The following RANBP9 variants were observed in gnomAD, a reference collection of about 807,000 sequenced individuals.
The protein encoded by RANBP9 is ran-binding protein 9.
RANBP9 carries 15 observed loss-of-function variants against 84.3 expected under a neutral mutation model. That is an observed-to-expected ratio of 0.18 (90% confidence interval 0.12 to 0.27). The LOEUF is 0.27. RANBP9 is among the 10% of genes least tolerant of loss of function. RANBP9 has a pLI of 1.00. For missense variants in RANBP9, 809 were observed against 912.8 expected, an observed-to-expected ratio of 0.89 and a Z score of 1.46; for synonymous variants, 392 against 349.6, an observed-to-expected ratio of 1.12 and a Z score of -1.35.
At chr6:13,622,652 T>A (rs1310793751) in intron 13 of RANBP9, among the ~76,000 whole-genome samples, 160 bp from the exon 14 acceptor site, 1 of 152,206 alleles carries the variant, frequency 6.6e-6, no homozygotes, top group Non-Finnish European at 1.5e-5. Flanking sequence ...AGATGCCGCC[T>A]TGGACATACT....
chr6:13,655,091 TACTA>T, intron 4 of RANBP9, among the ~76,000 whole-genome samples: 1 of 152,376 alleles, frequency 6.6e-6, no homozygotes, highest in Non-Finnish European at 1.5e-5. Context: ...AAAGAACTCT[TACTA>T]ACCACTGTTA....
chr6:13,635,290 T>C (rs986255440), intron 10 of RANBP9, among the ~76,000 whole-genome samples: 14 of 152,186 alleles, frequency 9.2e-5, no homozygotes, highest in African/African-American at 2.4e-4. Flanking sequence ...CCAATAACTA[T>C]ATTTGCACAT....
intron 1 of RANBP9, among the ~76,000 whole-genome samples, chr6:13,710,679 T>G (rs577368174): frequency 6.6e-6 from 1 of 152,316 alleles, no homozygotes; most frequent in East Asian, 1.9e-4. Flanking sequence ...GGTGTCCTGC[T>G]CCTGGTCTAG....
At chr6:13,659,347 TTAA>T in intron 2 of RANBP9, among the ~76,000 whole-genome samples, 1 of 151,938 alleles carries the variant, frequency 6.6e-6, no homozygotes, top group East Asian at 1.9e-4. Context: ...TAAAAATATC[TTAA>T]TAAAATTACC....
intron 11 of RANBP9, among the ~76,000 whole-genome samples, chr6:13,633,414 T>C (rs7745281): frequency 0.96 from 146,566 of 152,332 alleles, 70,525 homozygotes; most frequent in East Asian, 1. Context: ...AATAAGGTAA[T>C]GACGATGATG....
rs573077005 is a variant in RANBP9, at chr6:13,645,779, A to G, written c.928-1050T>C. 3.4e-4 allele frequency among the ~76,000 whole-genome samples: 52 copies of G among 152,302 alleles called. 1 individual carries two copies. The South Asian group carries it at 0.01, about 30-fold the overall frequency. ...TTTATGTCTTATATCTTTAATAGTT[A>G]TAACAAGTATTTTTCAGTACAAAAC... On this transcript the variant is annotated intron_variant, in intron 5 of 13. Transcript: ENST00000011619.
At chr6:13,709,572 A>G (rs1758221268) in intron 1 of RANBP9, among the ~76,000 whole-genome samples, 1 of 152,246 alleles carries the variant, frequency 6.6e-6, no homozygotes, top group African/African-American at 2.4e-5. Context: ...AAAAGGTCCT[A>G]ACTTGAGAAA....
intron 10 of RANBP9, among the ~76,000 whole-genome samples, chr6:13,635,395 G>A (rs1372947343): frequency 1.3e-5 from 2 of 151,974 alleles, no homozygotes; most frequent in African/African-American, 2.4e-5. Flanking sequence ...TGGAAGCCTA[G>A]GTAATAATTA....
At chr6:13,703,942 C>A (rs764392560) in intron 1 of RANBP9, among the ~76,000 whole-genome samples, 34 of 152,138 alleles carry the variant, frequency 2.2e-4, no homozygotes, top group Non-Finnish European at 4.0e-4. Flanking sequence ...CCTTCACAAT[C>A]ATTATTTTAT....
At chr6:13,673,982 C>G (rs577946279) in intron 2 of RANBP9, among the ~76,000 whole-genome samples, 46 of 151,666 alleles carry the variant, frequency 3.0e-4, no homozygotes, top group African/African-American at 1.0e-3. Flanking sequence ...CACTTGGGAA[C>G]CTGAAGTGGG....
intron 2 of RANBP9, among the ~76,000 whole-genome samples, chr6:13,665,980 C>T (rs1765633789): frequency 6.6e-6 from 1 of 152,096 alleles, no homozygotes; most frequent in African/African-American, 2.4e-5. Flanking sequence ...AAGGGCCTAA[C>T]TAGGAAGGAG....
chr6:13,662,037 T>G (rs1765547683), intron 2 of RANBP9, among the ~76,000 whole-genome samples: 1 of 152,188 alleles, frequency 6.6e-6, no homozygotes, highest in African/African-American at 2.4e-5. Context: ...AATGGTTTAC[T>G]ATACACAGAC....
chr6:13,701,699 G>A (rs1757976653), intron 1 of RANBP9, among the ~76,000 whole-genome samples: 1 of 151,716 alleles, frequency 6.6e-6, no homozygotes, highest in Non-Finnish European at 1.5e-5. Context: ...GAACCCTGGA[G>A]GCAGAGATTG....
chr6:13,625,282 T>G (rs1046847755), intron 13 of RANBP9, among the ~76,000 whole-genome samples: 9 of 152,254 alleles, frequency 5.9e-5, no homozygotes, highest in African/African-American at 4.8e-5. Flanking sequence ...TGCCTTTCAC[T>G]AAAGAGGGCT....
Position 13,625,561 on chromosome 6 carries a change from G to T in RANBP9, c.2059+92C>A. 4.0e-6 allele frequency: 3 copies of T among 757,630 alleles called. 1 individual carries two copies. In the South Asian group the frequency reaches 6.5e-5, roughly 16 times the overall value. The allele number at this position is 757,630 out of a possible 1,614,324, so 46.9% of individuals were successfully genotyped here. A position where few individuals can be genotyped will look rare whatever the true frequency, so the allele number is the denominator to read the frequency against. ...AAAATATAGAAAACATTTTCCTGAT[G>T]ATTTTACCAAAGTGTAAATGCCAGT... On this transcript the variant is annotated intron_variant, in intron 13 of 13. Coordinates refer to ENST00000011619, the MANE Select transcript of RANBP9 (RefSeq NM_005493.3).
intron 1 of RANBP9, among the ~76,000 whole-genome samples, chr6:13,703,996 C>G (rs1463871956): frequency 2.0e-5 from 3 of 152,206 alleles, no homozygotes; most frequent in Non-Finnish European, 4.4e-5. Context: ...ACCCAAACAT[C>G]ATCCTAACAG....
intron 2 of RANBP9, among the ~76,000 whole-genome samples, chr6:13,687,496 A>C (rs968934707): frequency 2.6e-5 from 4 of 152,110 alleles, no homozygotes; most frequent in Non-Finnish European, 5.9e-5. Context: ...TCTTAAAAAA[A>C]AAAAAATCCT....
chr6:13,665,853 T>C (rs990391630), intron 2 of RANBP9, among the ~76,000 whole-genome samples: 15 of 152,212 alleles, frequency 9.9e-5, no homozygotes, highest in African/African-American at 3.6e-4. Flanking sequence ...AAGGAAGCTT[T>C]ACATACAAGA....
At position 13,685,655 on chromosome 6, in the gene RANBP9, C is replaced by T. The variant is rs891686495; in HGVS notation, c.683+11130G>A. Among the ~76,000 whole-genome samples, 6 of 152,138 alleles carry T rather than the reference C, an allele frequency of 3.9e-5. No homozygotes were observed. The East Asian group carries it at 5.8e-4, about 15-fold the overall frequency. On this transcript the variant is annotated intron_variant, in intron 2 of 13. Coordinates refer to ENST00000011619, the MANE Select transcript of RANBP9 (RefSeq NM_005493.3). ...TGTATAAAGAGGATACCAGGCCGGG[C>T]GCGGTGGCTCACACCTGTAATCCCA...
Sources: allele counts gnomAD v4.1 joint callset (sites outside exome capture counted in the v4.1 genomes callset), GRCh38; gene constraint gnomAD v4.1.1; transcripts MANE v1.5; gene names NCBI Gene and HGNC (gene_info 2026-07-23, HGNC 2026-07-21).